Variants in SOX6 observed in about 807,000 individuals in gnomAD.
The protein encoded by SOX6 is transcription factor SOX-6.
Under a neutral mutation model 97.8 loss-of-function variants are expected in SOX6, and 11 were observed. The observed-to-expected ratio is 0.11, with a 90% CI of 0.07 to 0.19. The LOEUF is 0.19. Among genes scored for constraint, SOX6 ranks in the 10% least tolerant of loss-of-function variants. The probability of loss-of-function intolerance (pLI) is 1.00; values close to 1 mark genes in which losing one functional copy is unlikely to be tolerated. For missense variants in SOX6, 810 were observed against 1,039.5 expected (o/e 0.78, Z 3.04); for synonymous variants, 360 against 371.4 (o/e 0.97, Z 0.35).
At chr11:16,496,532 C>A (rs550787564) in intron 4 of SOX6, among the ~76,000 whole-genome samples, 11 of 152,200 alleles carry the variant, frequency 7.2e-5, no homozygotes, top group Admixed American at 2.6e-4. Flanking sequence ...TCGCCTCACC[C>A]GGGAAGTGCA....
Position 15,972,768 on chromosome 11 carries a change from G to T in SOX6, c.*41C>A, listed in dbSNP as rs749167637. On this transcript the variant is annotated 3_prime_UTR_variant, in exon 16 of 16. Transcript: ENST00000683767. ...TAATAACTCTTTGTTGGGGAGGGGG[G>T]TGAAATGTCAGAGTACTTTAATTCA... is the stretch of plus-strand genomic sequence containing the variant. The T allele has an allele frequency of 1.2e-6, 2 of 1,607,300 alleles. No homozygotes were observed. The highest frequency in any genetic ancestry group is 1.1e-5 in the South Asian group (1 of 90,962).
chr11:16,726,204 T>C (rs1848305495), intron 2 of SOX6, among the ~76,000 whole-genome samples: 1 of 151,772 alleles, frequency 6.6e-6, no homozygotes, highest in Non-Finnish European at 1.5e-5. Context: ...AGGTTGGGAG[T>C]TCAAGACCAG....
At chr11:16,428,429 G>T (rs535017638) in intron 1 of SOX6, among the ~76,000 whole-genome samples, 1 of 152,206 alleles carries the variant, frequency 6.6e-6, no homozygotes, top group African/African-American at 2.4e-5. Context: ...GTATTGCCTA[G>T]GTTTTCTTCT....
chr11:16,076,015 T>G (rs1384484043), intron 9 of SOX6, among the ~76,000 whole-genome samples: 2 of 152,078 alleles, frequency 1.3e-5, no homozygotes, highest in Non-Finnish European at 2.9e-5. Flanking sequence ...CAATTCAAGA[T>G]GAGATTTAGG....
chr11:16,659,773 T>C (rs1449784519), intron 3 of SOX6, among the ~76,000 whole-genome samples: 2 of 152,290 alleles, frequency 1.3e-5, no homozygotes, highest in East Asian at 1.9e-4. Context: ...TACTTTGTAT[T>C]TGGAAAGTTA....
intron 4 of SOX6, among the ~76,000 whole-genome samples, chr11:16,527,174 A>G (rs1479866722): frequency 6.6e-6 from 1 of 151,794 alleles, no homozygotes; most frequent in Non-Finnish European, 1.5e-5. Context: ...TGAAGAGGGA[A>G]AAAAAAATCA....
At chr11:16,210,528 C>T (rs1474139807) in intron 4 of SOX6, among the ~76,000 whole-genome samples, 2 of 152,094 alleles carry the variant, frequency 1.3e-5, no homozygotes, top group East Asian at 1.9e-4. Context: ...AGAAATTTCT[C>T]TGAGGGTGAT....
intron 3 of SOX6, among the ~76,000 whole-genome samples, chr11:16,702,419 A>T (rs1330864490): frequency 6.6e-6 from 1 of 152,186 alleles, no homozygotes; most frequent in African/African-American, 2.4e-5. Flanking sequence ...TACAACAGGT[A>T]GTTTCTCTGA....
chr11:16,237,821 A>C (rs1853070080), intron 3 of SOX6, among the ~76,000 whole-genome samples: 1 of 152,056 alleles, frequency 6.6e-6, no homozygotes, highest in African/African-American at 2.4e-5. Context: ...ATATGCAGTA[A>C]ATTTATTATC....
At chr11:16,480,941 C>T (rs1384783097), upstream of SOX6, among the ~76,000 whole-genome samples, 9 of 152,096 alleles carry the variant, frequency 5.9e-5, no homozygotes, top group Non-Finnish European at 7.4e-5. Context: ...CTGTCTTCAA[C>T]GCATTTATCT....
intron 4 of SOX6, among the ~76,000 whole-genome samples, chr11:16,525,231 A>T (rs1292299895): frequency 3.3e-5 from 5 of 152,184 alleles, no homozygotes; most frequent in Non-Finnish European, 5.9e-5. Flanking sequence ...ACTTCAAACT[A>T]TACTACAAGG....
chr11:16,367,501 G>C (rs1857388835), intron 1 of SOX6, among the ~76,000 whole-genome samples: 1 of 152,124 alleles, frequency 6.6e-6, no homozygotes, highest in Non-Finnish European at 1.5e-5. Flanking sequence ...GGGCTTAAAG[G>C]AAAGAACCTA....
intron 6 of SOX6, among the ~76,000 whole-genome samples, chr11:16,124,719 C>T (rs1167269906): frequency 3.3e-5 from 5 of 151,904 alleles, no homozygotes; most frequent in African/African-American, 4.8e-5. Flanking sequence ...GTAAGAAAAT[C>T]GGAATTGTAT....
intron 1 of SOX6, among the ~76,000 whole-genome samples, chr11:16,409,880 G>C (rs1257319105): frequency 6.6e-6 from 1 of 151,150 alleles, no homozygotes; most frequent in East Asian, 1.9e-4. Flanking sequence ...AAGGCCAAGA[G>C]GAAGACTATC....
intron 4 of SOX6, among the ~76,000 whole-genome samples, chr11:16,591,117 A>G (rs1848145099): frequency 6.6e-6 from 1 of 152,104 alleles, no homozygotes; most frequent in African/African-American, 2.4e-5. Context: ...ATACCATGGT[A>G]AAATCTTTAC....
At chr11:16,078,875 T>G (rs1443508536) in intron 9 of SOX6, among the ~76,000 whole-genome samples, 1 of 151,818 alleles carries the variant, frequency 6.6e-6, no homozygotes, top group Non-Finnish European at 1.5e-5. Context: ...ATGGCAAGGG[T>G]GTACTTGTGC....
intron 9 of SOX6, among the ~76,000 whole-genome samples, chr11:16,088,443 T>C (rs1214431906): frequency 6.6e-6 from 1 of 152,196 alleles, no homozygotes; most frequent in Non-Finnish European, 1.5e-5. Context: ...AAAAATCCTC[T>C]GTGCTCTGCC....
In SOX6 at chr11:15,968,598, T is replaced by C; in HGVS notation, c.*4211A>G. On this transcript the variant is annotated 3_prime_UTR_variant, in exon 16 of 16. Transcript: ENST00000683767. ...CTTGTGCTCCTGGCTCAGGAGGGTG[T>C]ACTCCGAAGAAGCAGCCTGGCTTCA... The C allele has an allele frequency of 6.6e-6, 1 of 152,214 alleles. No homozygotes were observed. Among genetic ancestry groups the C allele is most frequent in the Non-Finnish European group, 1.5e-5 (1 of 68,060 alleles). The allele number at this position is 152,214 out of a possible 1,614,324, so 9.4% of individuals were successfully genotyped here. A position where few individuals can be genotyped will look rare whatever the true frequency, so the allele number is the denominator to read the frequency against.
chr11:16,568,739 A>C (rs1847904210), intron 4 of SOX6, among the ~76,000 whole-genome samples: 1 of 152,188 alleles, frequency 6.6e-6, no homozygotes, highest in Admixed American at 6.5e-5. Context: ...ATTTCCTTTT[A>C]TGTGCTCCAA....
Sources: gnomAD v4.1 joint callset for allele counts (sites outside exome capture counted in the v4.1 genomes callset) on GRCh38, gnomAD v4.1.1 for gene constraint, MANE v1.5 for transcripts, NCBI Gene and HGNC (gene_info 2026-07-23, HGNC 2026-07-21) for gene names.